MYO1E: variants seen among roughly 807,000 people sequenced by gnomAD.
MYO1E encodes the protein myosin IE, also known as unconventional myosin-Ie.
A neutral mutation model predicts 151.1 loss-of-function variants in MYO1E; 68 were observed. The observed-to-expected ratio is 0.45, with a 90% CI of 0.37 to 0.55. The LOEUF (loss-of-function observed/expected upper bound fraction) is 0.55, where lower values mean the gene tolerates loss of function less well. MYO1E is among the 20% of genes least tolerant of loss of function. The pLI, the probability that MYO1E is intolerant of heterozygous loss-of-function variation, is 0.00. For synonymous variants in MYO1E, 601 were observed against 501.7 expected (o/e 1.20, Z -2.64); for missense variants, 1,363 against 1,389.3 (o/e 0.98, Z 0.30).
At chr15:59,231,571 A>C in intron 6 of MYO1E, 131 bp downstream of exon 6, 3 of 980,908 alleles carry the variant, frequency 3.1e-6, no homozygotes, top group Admixed American at 3.9e-5. Flanking sequence ...TAGAAAATGA[A>C]GGAAAGATCG....
chr15:59,249,648 A>G (rs80047292), intron 4 of MYO1E, among the ~76,000 whole-genome samples: 2,570 of 152,240 alleles, frequency 0.017, 75 homozygotes, highest in African/African-American at 0.058. Flanking sequence ...CCACCATAGA[A>G]ATTAGGTCAT....
intron 1 of MYO1E, among the ~76,000 whole-genome samples, chr15:59,320,973 TTTAACAA>T (rs1340522427): frequency 6.6e-6 from 1 of 152,060 alleles, no homozygotes; most frequent in African/African-American, 2.4e-5. Context: ...TTAAGGAACT[TTTAACAA>T]TTGAACAAGC....
In MYO1E at chr15:59,159,981, A is replaced by T. The variant is rs2079528513; in HGVS notation, c.2785+1092T>A. On this transcript the variant is annotated intron_variant, in intron 24 of 27. Transcript: ENST00000288235. The surrounding 1 kb of genome is among the most constrained non-coding windows in gnomAD (Gnocchi z 4.4). ...TGCCTCAGCCTCCCAAGTAGCTGGG[A>T]CTACAGGCATACGCCACAACACCTG... Among the ~76,000 whole-genome samples, 1 of 152,132 alleles carries T rather than the reference A, an allele frequency of 6.6e-6. No individual in the cohort carries two copies. Among genetic ancestry groups the T allele is most frequent in the Admixed American group, 6.5e-5 (1 of 15,276 alleles).
chr15:59,141,464 A>C (rs540207973), intron 26 of MYO1E, among the ~76,000 whole-genome samples: 2 of 152,222 alleles, frequency 1.3e-5, no homozygotes, highest in Admixed American at 6.5e-5. Context: ...TTGTTATACT[A>C]TATTGTTTAG....
intron 1 of MYO1E, among the ~76,000 whole-genome samples, chr15:59,303,648 T>C (rs1425375826): frequency 6.6e-6 from 1 of 152,214 alleles, no homozygotes; most frequent in African/African-American, 2.4e-5. Flanking sequence ...GTAAGCAGCA[T>C]AATCCCACAG....
At position 59,202,419 on chromosome 15, in the gene MYO1E, G is replaced by C. The variant is rs192317472; in HGVS notation, c.1617-12C>G. 0.01 allele frequency: 16,353 copies of C among 1,610,266 alleles called. 123 individuals are homozygous for C. Among genetic ancestry groups the C allele is most frequent in the Non-Finnish European group, 0.013 (14,745 of 1,176,530 alleles). On this transcript the variant is annotated splice_polypyrimidine_tract_variant and intron_variant, in intron 15 of 27. Transcript: ENST00000288235. ...ACTTTATGAAAGGCCTGGAAAAGGA[G>C]AAAGAGAATGAATTAACAATCTGTA...
rs746170509 is a variant in MYO1E, at chr15:59,293,287, C to A, written c.4-20838G>T. On this transcript the variant is annotated intron_variant, in intron 1 of 27. Transcript: ENST00000288235. ...AGCACTTTACTTATACTAACTCATT[C>A]AATTGTCCCAACAGTCCATAATGCT... Among the ~76,000 whole-genome samples, 5 of 152,152 alleles carry A rather than the reference C, an allele frequency of 3.3e-5. No homozygotes were observed. The East Asian group carries it at 7.7e-4, about 23-fold the overall frequency.
At chr15:59,187,559 T>C (rs1246745331) in intron 18 of MYO1E, among the ~76,000 whole-genome samples, 2 of 152,236 alleles carry the variant, frequency 1.3e-5, no homozygotes, top group African/African-American at 4.8e-5. Context: ...AGTTACCATA[T>C]GACCAAGCAA....
chr15:59,340,909 C>T (rs1158102242), intron 1 of MYO1E, among the ~76,000 whole-genome samples: 2 of 150,678 alleles, frequency 1.3e-5, no homozygotes, highest in African/African-American at 4.9e-5. Context: ...GTAATCCCAG[C>T]TACTCGGGAG....
chr15:59,275,465 A>T (rs1472419612), intron 1 of MYO1E, among the ~76,000 whole-genome samples: 1 of 151,852 alleles, frequency 6.6e-6, no homozygotes, highest in Non-Finnish European at 1.5e-5. Flanking sequence ...AGGCAATTAT[A>T]GTTACATATG....
intron 22 of MYO1E, among the ~76,000 whole-genome samples, chr15:59,169,561 C>T (rs1365314627): frequency 6.6e-6 from 1 of 152,070 alleles, no homozygotes; most frequent in African/African-American, 2.4e-5. Context: ...ATGACTCACA[C>T]TTTCTTTTTT....
In MYO1E at chr15:59,224,765, T is replaced by C. The variant is rs753956205; in HGVS notation, c.701A>G (p.Tyr234Cys). ...KHSLGITSMD[Y>C]YYYLSLSGSY... Reference sequence around the variant, plus strand: ...GCCCGAGAGGCTCAGGTAGTAATAATAGTCCATGCTGGTGATGCCAAGGCT... The same window carrying C: ...GCCCGAGAGGCTCAGGTAGTAATAACAGTCCATGCTGGTGATGCCAAGGCT... The change falls in exon 8 of 28, where the codon TAT becomes TGT. Residue 234 changes from tyrosine (Y) to cysteine (C), a missense_variant. By Grantham distance (194) the Tyr-to-Cys change is radical. Coordinates refer to ENST00000288235, the MANE Select transcript of MYO1E (RefSeq NM_004998.4). 46 of 1,614,036 alleles carry C rather than the reference T, an allele frequency of 2.9e-5. No homozygotes were observed. Among genetic ancestry groups the C allele is most frequent in the South Asian group, 1.1e-4 (10 of 91,090 alleles).
chr15:59,232,370 A>T (rs1278279634), intron 5 of MYO1E, among the ~76,000 whole-genome samples: 1 of 152,242 alleles, frequency 6.6e-6, no homozygotes, highest in Non-Finnish European at 1.5e-5. Flanking sequence ...AGGCCCAAGA[A>T]TCTGCATTTG....
chr15:59,349,622 G>A (rs984868124), intron 1 of MYO1E, among the ~76,000 whole-genome samples: 7 of 152,028 alleles, frequency 4.6e-5, no homozygotes, highest in South Asian at 2.1e-4. Flanking sequence ...AATTAATTTC[G>A]TTCTGTGATG....
chr15:59,290,489 T>C (rs1187116245), intron 1 of MYO1E, among the ~76,000 whole-genome samples: 3 of 152,160 alleles, frequency 2.0e-5, no homozygotes, highest in Admixed American at 6.5e-5. Context: ...CCCTGCGACA[T>C]CTTTGGGCCT....
intron 26 of MYO1E, among the ~76,000 whole-genome samples, chr15:59,148,252 A>G (rs1245441334): frequency 6.6e-6 from 1 of 152,188 alleles, no homozygotes; most frequent in Non-Finnish European, 1.5e-5. Flanking sequence ...ATTGATGAAT[A>G]AAAGAAAAAG....
chr15:59,190,392 C>T (rs1207145402), intron 17 of MYO1E, among the ~76,000 whole-genome samples: 1 of 152,188 alleles, frequency 6.6e-6, no homozygotes, highest in Admixed American at 6.5e-5. Context: ...CAATCAGAAG[C>T]ATCCTCATTC....
At chr15:59,295,938 A>G (rs1168627823) in intron 1 of MYO1E, among the ~76,000 whole-genome samples, 4 of 152,164 alleles carry the variant, frequency 2.6e-5, no homozygotes, top group African/African-American at 7.2e-5. Flanking sequence ...TGTGTGCTCA[A>G]TCTCGCCTAC....
intron 1 of MYO1E, among the ~76,000 whole-genome samples, chr15:59,284,666 G>C (rs1334380781): frequency 6.6e-6 from 1 of 151,118 alleles, no homozygotes; most frequent in African/African-American, 2.4e-5. Flanking sequence ...GTAGAGACAG[G>C]GTCCCACTGT....
Sources: allele counts gnomAD v4.1 joint callset (sites outside exome capture counted in the v4.1 genomes callset), GRCh38; gene constraint gnomAD v4.1.1; non-coding constraint Gnocchi (gnomAD v3.1); transcripts MANE v1.5; gene names NCBI Gene and HGNC (gene_info 2026-07-23, HGNC 2026-07-21).